The following ADAMTS17 variants were observed in gnomAD, a reference collection of about 807,000 sequenced individuals.
ADAMTS17 encodes the protein ADAM metallopeptidase with thrombospondin type 1 motif 17.
A neutral mutation model predicts 141.5 loss-of-function variants in ADAMTS17; 113 were observed. That is an observed-to-expected ratio of 0.80 (90% CI 0.69 to 0.93). The LOEUF is 0.93. ADAMTS17 is among the 40% of genes least tolerant of loss of function. The probability of loss-of-function intolerance (pLI) is 0.00; values close to 1 mark genes in which losing one functional copy is unlikely to be tolerated. For synonymous variants in ADAMTS17, 768 were observed against 630.6 expected (o/e 1.22, Z -3.27); for missense variants, 1,659 against 1,517.9 (o/e 1.09, Z -1.54).
intron 20 of ADAMTS17, among the ~76,000 whole-genome samples, chr15:99,988,503 C>G (rs772710175): frequency 1.3e-5 from 2 of 152,214 alleles, no homozygotes; most frequent in African/African-American, 4.8e-5. Flanking sequence ...GATCCAGTCT[C>G]AGGCATTCCT....
At chr15:100,057,922 C>G (rs2032729290) in intron 15 of ADAMTS17, among the ~76,000 whole-genome samples, 1 of 152,062 alleles carries the variant, frequency 6.6e-6, no homozygotes, top group African/African-American at 2.4e-5. Flanking sequence ...CAACTGAGAG[C>G]TGGGTTTGGC....
chr15:100,112,276 G>A (rs555934764), intron 13 of ADAMTS17, among the ~76,000 whole-genome samples: 3 of 152,122 alleles, frequency 2.0e-5, no homozygotes, highest in Non-Finnish European at 4.4e-5. Context: ...GCTCTCACCT[G>A]CAGACACTGC....
rs532774704 is a variant in ADAMTS17, at chr15:99,989,783, T to C, written c.2949+3265A>G. ...GGTGAGGTCAGATCAGAATGGGTTA[T>C]AACCCTGGGGACTGTGCCCCAGAAC... is the stretch of plus-strand genomic sequence containing the variant. On this transcript the variant is annotated intron_variant, in intron 20 of 21. Transcript: ENST00000268070. 5.3e-5 allele frequency among the ~76,000 whole-genome samples: 8 copies of C among 152,354 alleles called. No individual in the cohort carries two copies. The South Asian group carries it at 1.4e-3, about 28-fold the overall frequency.
At chr15:100,188,564 C>T (rs1398656696) in intron 8 of ADAMTS17, among the ~76,000 whole-genome samples, 1 of 152,194 alleles carries the variant, frequency 6.6e-6, no homozygotes, top group Non-Finnish European at 1.5e-5. Flanking sequence ...CAGCATGTTT[C>T]CATACAAGTT....
In ADAMTS17 at chr15:100,327,904, G is replaced by A. The variant is rs148203914; in HGVS notation, c.616+2985C>T. On this transcript the variant is annotated intron_variant, in intron 3 of 21. Transcript: ENST00000268070. ...AAACAGTTCCCAGATGGCCTTTGCC[G>A]TGTCAGTCCTTCTAGCCACCAACCC... Among the ~76,000 whole-genome samples the A allele has an allele frequency of 1.9e-4, 29 of 152,276 alleles. No homozygotes were observed. In the Middle Eastern group the frequency reaches 0.01, roughly 54 times the overall value.
chr15:99,977,373 T>C lies in ADAMTS17; in HGVS notation c.2950-1151A>G, dbSNP rs1414892681. The stretch of plus-strand genomic sequence containing the variant: ...TCATATATATATATATATATATATA[T>C]ATATATATATATATATATATATATA... On this transcript the variant is annotated intron_variant, in intron 20 of 21. Transcript: ENST00000268070. Among the ~76,000 whole-genome samples the C allele has an allele frequency of 4.6e-3, 79 of 17,234 alleles. 5 individuals are homozygous for C. The highest frequency in any genetic ancestry group is 0.019 in the African/African-American group (71 of 3,760). The allele number at this position is 17,234 out of a possible 152,430, so 11.3% of individuals were successfully genotyped here. A position where few individuals can be genotyped will look rare whatever the true frequency, so the allele number is the denominator to read the frequency against.
At chr15:100,091,388 C>T (rs558788589) in intron 15 of ADAMTS17, among the ~76,000 whole-genome samples, 1 of 152,250 alleles carries the variant, frequency 6.6e-6, no homozygotes, top group South Asian at 2.1e-4. Flanking sequence ...AGCCACCAAG[C>T]AGGAGAAATC....
intron 10 of ADAMTS17, 61 bp from the exon 11 acceptor site, chr15:100,133,376 G>T: frequency 6.7e-7 from 1 of 1,503,262 alleles, no homozygotes. Context: ...GGTCACAGCT[G>T]GGGTCAGAGG....
chr15:100,124,006 C>T (rs576462195), intron 12 of ADAMTS17, among the ~76,000 whole-genome samples: 2 of 151,992 alleles, frequency 1.3e-5, no homozygotes, highest in African/African-American at 4.8e-5. Context: ...CTCTGTCATC[C>T]AGGCTGGAGT....
At chr15:100,314,240 G>C (rs544686003) in intron 3 of ADAMTS17, among the ~76,000 whole-genome samples, 1 of 152,364 alleles carries the variant, frequency 6.6e-6, no homozygotes, top group South Asian at 2.1e-4. Context: ...CAATATGTGA[G>C]TCTAGACTGG....
At chr15:100,204,078 G>A (rs1211978073) in intron 7 of ADAMTS17, among the ~76,000 whole-genome samples, 1 of 152,106 alleles carries the variant, frequency 6.6e-6, no homozygotes, top group Non-Finnish European at 1.5e-5. Flanking sequence ...GCATAATTTT[G>A]TAGACAAAAT....
chr15:100,142,898 G>A (rs1305105275), intron 10 of ADAMTS17, among the ~76,000 whole-genome samples: 1 of 152,174 alleles, frequency 6.6e-6, no homozygotes, highest in Admixed American at 6.5e-5. Context: ...TTAAACAGCG[G>A]CATAACATGC....
chr15:100,232,711 A>C (rs778816528), intron 7 of ADAMTS17, among the ~76,000 whole-genome samples: 15 of 152,320 alleles, frequency 9.8e-5, no homozygotes, highest in Admixed American at 4.6e-4. Flanking sequence ...CTGTTTCCTG[A>C]ATAGCAGGAG....
rs58662756 is a variant in ADAMTS17 at position 100,014,131 on chromosome 15, G to A, written c.2592-16542C>T. 9.7e-3 allele frequency among the ~76,000 whole-genome samples: 1,471 copies of A among 152,214 alleles called. 17 individuals carry two copies. Among genetic ancestry groups the A allele is most frequent in the African/African-American group, 0.034 (1,400 of 41,534 alleles). On this transcript the variant is annotated intron_variant, in intron 18 of 21. Coordinates refer to ENST00000268070, the MANE Select transcript of ADAMTS17 (RefSeq NM_139057.4). Reference sequence around the variant, plus strand: ...AGCTAGAAGGGTTGTATTTTTCCAAGAATTTATCTATCTCTTCTAGGTTTT... The same window carrying A: ...AGCTAGAAGGGTTGTATTTTTCCAAAAATTTATCTATCTCTTCTAGGTTTT...
chr15:100,093,089 T>C (rs1567161043), intron 15 of ADAMTS17, among the ~76,000 whole-genome samples: 1 of 152,188 alleles, frequency 6.6e-6, no homozygotes, highest in Non-Finnish European at 1.5e-5. Flanking sequence ...ATTCCTTCCA[T>C]AGATAAGTAG....
chr15:100,104,574 G>A (rs12905658), intron 14 of ADAMTS17, among the ~76,000 whole-genome samples: 3,863 of 152,198 alleles, frequency 0.025, 69 homozygotes, highest in Non-Finnish European at 0.04. Flanking sequence ...CCAGAATGCC[G>A]TCTGCTACCC....
At chr15:100,221,264 G>A (rs2042124884) in intron 7 of ADAMTS17, among the ~76,000 whole-genome samples, 1 of 144,196 alleles carries the variant, frequency 6.9e-6, no homozygotes, top group African/African-American at 2.7e-5. Context: ...CTAAAGCTAC[G>A]CCAATAAACT....
chr15:100,242,820 A>G (rs777273953), intron 7 of ADAMTS17, among the ~76,000 whole-genome samples: 3 of 152,204 alleles, frequency 2.0e-5, no homozygotes, highest in Non-Finnish European at 4.4e-5. Context: ...AAAATTATGT[A>G]AAGTATACAT....
chr15:100,236,891 C>A (rs992485162), intron 7 of ADAMTS17, among the ~76,000 whole-genome samples: 14 of 152,252 alleles, frequency 9.2e-5, no homozygotes, highest in Admixed American at 9.2e-4. Context: ...CTCTCCTCTG[C>A]CCCCAAAACA....
Sources: gnomAD v4.1 joint callset for allele counts (sites outside exome capture counted in the v4.1 genomes callset) on GRCh38, gnomAD v4.1.1 for gene constraint, MANE v1.5 for transcripts, NCBI Gene and HGNC (gene_info 2026-07-23, HGNC 2026-07-21) for gene names.